ZNF292: variants seen among roughly 807,000 people sequenced by gnomAD.
ZNF292 encodes the protein 16 zinc-finger domain protein.
In ZNF292, 26 loss-of-function variants were observed where a neutral mutation model predicts 217.9. The ratio of observed to expected loss-of-function variants is 0.12; its 90% confidence interval spans 0.09 to 0.17. ZNF292 has a LOEUF of 0.17. Ranked by LOEUF, ZNF292 falls within the 10% of genes least tolerant of loss-of-function variation. The probability of loss-of-function intolerance (pLI) is 1.00; values close to 1 mark genes in which losing one functional copy is unlikely to be tolerated. For missense variants in ZNF292, 2,904 were observed against 3,175.2 expected (o/e 0.91, Z 2.05); for synonymous variants, 1,257 against 1,124.1 (o/e 1.12, Z -2.37).
intron 4 of ZNF292, among the ~76,000 whole-genome samples, chr6:87,232,893 C>A (rs550237667): frequency 2.0e-5 from 3 of 152,176 alleles, no homozygotes; most frequent in Admixed American, 1.3e-4. Context: ...TGAATCTCTT[C>A]TTCTGGAATG....
chr6:87,165,407 G>A (rs1770881218), intron 1 of ZNF292, among the ~76,000 whole-genome samples: 1 of 152,054 alleles, frequency 6.6e-6, no homozygotes, highest in Admixed American at 6.5e-5. Context: ...CTGGTCCCAA[G>A]CATTTTCAGA....
At chr6:87,240,108 G>A (rs1484786539) in intron 5 of ZNF292, among the ~76,000 whole-genome samples, 10 of 152,168 alleles carry the variant, frequency 6.6e-5, no homozygotes, top group African/African-American at 2.4e-4. Context: ...CCGGCACCTC[G>A]GGAGGCCAAG....
rs1309512600 is a variant in ZNF292, at chr6:87,155,663, C to T, written c.72C>T (p.Arg24=). 3.2e-6 allele frequency: 5 copies of T among 1,584,902 alleles called. No homozygotes were observed. The highest frequency in any genetic ancestry group is 1.2e-5 in the South Asian group (1 of 86,934). The part of the protein sequence containing the change: ...GEGGCVAELQ[R]LGERLQELEL... ...GCGGCTGCGTCGCGGAGCTGCAGCG[C>T]CTGGGCGAGCGGCTCCAGGAGCTGG... The change falls in exon 1 of 8, where the codon CGC becomes CGT. Residue 24 remains arginine (R), a synonymous_variant. Transcript: ENST00000369577.
Position 87,155,667 on chromosome 6 carries a change from G to C in ZNF292, c.76G>C (p.Gly26Arg). The change falls in exon 1 of 8, where the codon GGC (glycine) becomes CGC (arginine). Residue 26 changes from glycine to arginine, a missense_variant. Gly to Arg is a moderately radical substitution (Grantham distance 125, BLOSUM62 -2). Transcript: ENST00000369577. ...GGCVAELQRL[G>R]ERLQELELQL... ...CTGCGTCGCGGAGCTGCAGCGCCTG[G>C]GCGAGCGGCTCCAGGAGCTGGAGCT... 6.3e-7 allele frequency: 1 copy of C among 1,586,274 alleles called. No homozygotes were observed. The highest frequency in any genetic ancestry group is 1.3e-5 in the African/African-American group (1 of 74,606).
rs1775284454 is a variant in ZNF292 at position 87,257,343 on chromosome 6, C to T, written c.3714C>T (p.Ala1238=). Residue 1238 remains alanine, a synonymous_variant, in exon 8 of 8, where the codon GCC becomes GCT. Coordinates refer to ENST00000369577, the MANE Select transcript of ZNF292 (RefSeq NM_015021.3). ...CSQMENLPST[A]LPAQMEDLTK... is the part of the protein sequence containing the mutation. ...AAATGGAAAATTTACCTAGTACTGC[C>T]TTGCCAGCACAAATGGAAGATCTAA... 6.2e-7 allele frequency: 1 copy of T among 1,613,566 alleles called. No homozygotes were observed. Among genetic ancestry groups the T allele is most frequent in the Non-Finnish European group, 8.5e-7 (1 of 1,179,770 alleles).
chr6:87,253,778 C>G (rs887233844), intron 7 of ZNF292, among the ~76,000 whole-genome samples: 2 of 152,106 alleles, frequency 1.3e-5, no homozygotes, highest in Admixed American at 1.3e-4. Context: ...TCTTTGTTGC[C>G]TTTTGATCCT....
At chr6:87,159,495 C>CTTTTTTTTTTTTT (rs772140637) in intron 1 of ZNF292, among the ~76,000 whole-genome samples, 2 of 124,498 alleles carry the variant, frequency 1.6e-5, no homozygotes, top group African/African-American at 3.2e-5. Flanking sequence ...TCTTTTCTTT[C>CTTTTTTTTTTTTT]TTTTTTTTTT....
At position 87,257,684 on chromosome 6, in the gene ZNF292, A is replaced by G; in HGVS notation, c.4055A>G (p.Asn1352Ser). 1 of 1,612,386 alleles carries G rather than the reference A, an allele frequency of 6.2e-7. No individual in the cohort carries two copies. Among genetic ancestry groups the G allele is most frequent in the South Asian group, 1.1e-5 (1 of 90,908 alleles). The change falls in exon 8 of 8, where the codon AAT becomes AGT. Residue 1352 changes from asparagine (N) to serine (S), a missense_variant. Coordinates refer to ENST00000369577, the MANE Select transcript of ZNF292 (RefSeq NM_015021.3). ...AAAAAAGACCGTGGGCGGGGCCCAA[A>G]TGGGAAGGAAAGAAAACCTAAGCAC... ...KVKKDRGRGP[N>S]GKERKPKHNK...
chr6:87,158,431 T>G (rs916837125), intron 1 of ZNF292, among the ~76,000 whole-genome samples: 3 of 152,156 alleles, frequency 2.0e-5, no homozygotes, highest in Non-Finnish European at 4.4e-5. Context: ...CCCAGCAGTT[T>G]GGGAGGCCGA....
intron 1 of ZNF292, among the ~76,000 whole-genome samples, chr6:87,207,745 A>G (rs562709618): frequency 1.3e-5 from 2 of 152,228 alleles, no homozygotes; most frequent in South Asian, 2.1e-4. Flanking sequence ...TTCTCCCTCA[A>G]TTGTTTAAAT....
intron 7 of ZNF292, among the ~76,000 whole-genome samples, chr6:87,251,059 G>T (rs1031317717): frequency 1.3e-5 from 2 of 152,192 alleles, no homozygotes; most frequent in African/African-American, 4.8e-5. Flanking sequence ...AATGGCTAAA[G>T]AGGGAGGAGA....
chr6:87,163,925 T>G (rs1770831636), intron 1 of ZNF292, among the ~76,000 whole-genome samples: 1 of 152,196 alleles, frequency 6.6e-6, no homozygotes, highest in African/African-American at 2.4e-5. Context: ...AAGTTTTGAT[T>G]AATCTTGTAA....
chr6:87,259,077 A>G lies in ZNF292; in HGVS notation c.5448A>G (p.Ile1816Met), dbSNP rs1197278652. 5 of 1,613,150 alleles carry G rather than the reference A, an allele frequency of 3.1e-6. No homozygotes were observed. In the Admixed American group the frequency reaches 8.4e-5, roughly 27 times the overall value. ...ATTCTTCTCCGTTTTCCTCCTTTAT[A>G]AGTGTCATGCCAACAAAAAGTAACA... Reference protein sequence around the residue: ...LPDSSPFSSFISVMPTKSNIP... With the variant: ...LPDSSPFSSFMSVMPTKSNIP... Residue 1816 changes from isoleucine (I) to methionine (M), a missense_variant, in exon 8 of 8, where the codon ATA becomes ATG. Physicochemically the swap from Ile to Met is conservative, Grantham distance 10 (BLOSUM62 1). Around this residue, in one of 15 missense-constraint regions of ZNF292, gnomAD observed 622 missense variants for 573.1 expected, o/e 1.09. Transcript: ENST00000369577.
At chr6:87,215,848 C>T (rs1772725865) in intron 1 of ZNF292, 55 bp from the exon 2 acceptor site, 3 of 1,381,686 alleles carry the variant, frequency 2.2e-6, no homozygotes, top group Non-Finnish European at 9.7e-7. Context: ...GCTGATGAGT[C>T]AATGTATATT....
rs752928864 is a variant in ZNF292, at chr6:87,256,409, CTCCTCTACTTCAATCCAGTGA to C, written c.2781_2801del (p.Pro928_Glu934del). 98 of 1,607,258 alleles carry C rather than the reference CTCCTCTACTTCAATCCAGTGA, an allele frequency of 6.1e-5. 1 individual carries two copies. The South Asian group carries it at 1.0e-3, about 17-fold the overall frequency. ...AATGGTTTGGAAAACCCTGCTACTA[CTCCTCTACTTCAATCCAGTGA>C]AGTAGCTGTGTCCATTAAGGTGTCT... On this transcript the variant is annotated inframe_deletion, in exon 8 of 8. Coordinates refer to ENST00000369577, the MANE Select transcript of ZNF292 (RefSeq NM_015021.3).
intron 1 of ZNF292, among the ~76,000 whole-genome samples, chr6:87,156,105 C>T (rs913479053): frequency 5.3e-5 from 8 of 152,244 alleles, no homozygotes; most frequent in Non-Finnish European, 1.0e-4. Context: ...CTTCCTCCTC[C>T]TCCTTTTATT....
In ZNF292 at chr6:87,260,349, C is replaced by G. The variant is rs754097785; in HGVS notation, c.6720C>G (p.Asp2240Glu). Residue 2240 changes from aspartate (D) to glutamate (E), a missense_variant, in exon 8 of 8, where the codon GAC becomes GAG. Around this residue, in one of 15 missense-constraint regions of ZNF292, gnomAD observed 55 missense variants for 99.8 expected, o/e 0.55. Transcript: ENST00000369577. The part of the protein sequence containing the change: ...YLNYVVHLEA[D>E]HGIGLRASKT... ...ACTATGTTGTTCATCTAGAGGCAGA[C>G]CACGGGATTGGACTAAGGGCAAGTA... 2 of 1,613,252 alleles carry G rather than the reference C, an allele frequency of 1.2e-6. No homozygotes were observed. Among genetic ancestry groups the G allele is most frequent in the South Asian group, 2.2e-5 (2 of 91,054 alleles).
chr6:87,160,017 C>CTAGT (rs141723491), intron 1 of ZNF292, among the ~76,000 whole-genome samples: 4,034 of 152,284 alleles, frequency 0.026, 89 homozygotes, highest in Middle Eastern at 0.051. Flanking sequence ...ACCTTTTAGA[C>CTAGT]TAGTTAATTG....
intron 1 of ZNF292, among the ~76,000 whole-genome samples, chr6:87,188,501 T>C (rs541221138): frequency 2.5e-4 from 38 of 152,260 alleles, no homozygotes; most frequent in African/African-American, 9.1e-4. Context: ...TCCAGAACTA[T>C]ATAAACATTG....
Sources: gnomAD v4.1 joint callset for allele counts (sites outside exome capture counted in the v4.1 genomes callset) on GRCh38, gnomAD v4.1.1 for gene constraint, gnomAD v4.1.1 regional missense constraint, MANE v1.5 for transcripts, NCBI Gene and HGNC (gene_info 2026-07-23, HGNC 2026-07-21) for gene names.